AGAP1: variants seen among roughly 807,000 people sequenced by gnomAD.
AGAP1 encodes the protein arf-GAP with GTPase, ANK repeat and PH domain-containing protein 1.
In AGAP1, 29 loss-of-function variants were observed where a neutral mutation model predicts 105.3. That is an observed-to-expected ratio of 0.28 (90% CI 0.21 to 0.38). The LOEUF is 0.38. Ranked by LOEUF, AGAP1 falls within the 10% of genes least tolerant of loss-of-function variation. The pLI is 1.00. For missense variants in AGAP1, 998 were observed against 1,165.1 expected, an observed-to-expected ratio of 0.86 and a Z score of 2.09; for synonymous variants, 509 against 485.9, an observed-to-expected ratio of 1.05 and a Z score of -0.63.
rs1177150823 is a variant in AGAP1 at position 235,882,793 on chromosome 2, T to A, written c.1051-552T>A. Among the ~76,000 whole-genome samples the A allele has an allele frequency of 1.3e-5, 2 of 151,700 alleles. No individual in the cohort carries two copies. The highest frequency in any genetic ancestry group is 2.9e-5 in the Non-Finnish European group (2 of 67,938). ...CCCGGCCTGGTTAATGCAGTTTTTTTAGTTTGTTCTTTCTTTTTCTCTTTG... is the reference window on the plus strand; with the variant it reads ...CCCGGCCTGGTTAATGCAGTTTTTTAAGTTTGTTCTTTCTTTTTCTCTTTG... On this transcript the variant is annotated intron_variant, in intron 9 of 17. Transcript: ENST00000304032. This position sits in a 1 kb window ranked among gnomAD's most constrained non-coding sequence, Gnocchi z 4.6.
In AGAP1 at chr2:235,960,019, G is replaced by A. The variant is rs530154392; in HGVS notation, c.1484-8443G>A. On this transcript the variant is annotated intron_variant, in intron 12 of 17. Coordinates refer to ENST00000304032, the MANE Select transcript of AGAP1 (RefSeq NM_001037131.3). This position sits in a 1 kb window ranked among gnomAD's most constrained non-coding sequence, Gnocchi z 4.9. ...GGCTATGGAGTGTTGGAGCATTGCC[G>A]TGGCAGGAGAACGCAGTGGGCAGAG... Among the ~76,000 whole-genome samples, 4 of 152,310 alleles carry A rather than the reference G, an allele frequency of 2.6e-5. No individual in the cohort carries two copies. The highest frequency in any genetic ancestry group is 1.3e-4 in the Admixed American group (2 of 15,308).
At position 235,496,755 on chromosome 2, in the gene AGAP1, C is replaced by T. The variant is rs535931543; in HGVS notation, c.163+1906C>T. On this transcript the variant is annotated intron_variant, in intron 1 of 17. Transcript: ENST00000304032. ...GGATGTGGTTGCATTTTCCTTTCTC[C>T]CTTAAAAGAAAAAAAAAATGCGTCG... Among the ~76,000 whole-genome samples, 281 of 84,320 alleles carry T rather than the reference C, an allele frequency of 3.3e-3. 1 individual carries two copies. Among genetic ancestry groups the T allele is most frequent in the Admixed American group, 7.6e-3 (53 of 6,968 alleles). The allele number at this position is 84,320 out of a possible 152,430, so 55.3% of individuals were successfully genotyped here. A position where few individuals can be genotyped will look rare whatever the true frequency, so the allele number is the denominator to read the frequency against.
At position 235,753,808 on chromosome 2, in the gene AGAP1, A is replaced by G. The variant is rs1405095626; in HGVS notation, c.673+3320A>G. Among the ~76,000 whole-genome samples, 1 of 152,168 alleles carries G rather than the reference A, an allele frequency of 6.6e-6. No individual in the cohort carries two copies. The highest frequency in any genetic ancestry group is 2.4e-5 in the African/African-American group (1 of 41,434). On this transcript the variant is annotated intron_variant, in intron 6 of 17. Coordinates refer to ENST00000304032, the MANE Select transcript of AGAP1 (RefSeq NM_001037131.3). This position sits in a 1 kb window ranked among gnomAD's most constrained non-coding sequence, Gnocchi z 4.5. ...ATTTTTTTGTCCTTAAAATATTTTC[A>G]TATGAAGATAACATTTTTAAAATAA...
Position 235,853,050 on chromosome 2 carries a change from C to T in AGAP1, c.1051-30295C>T, listed in dbSNP as rs755760765. 5.2e-5 allele frequency: 64 copies of T among 1,239,522 alleles called. 1 individual carries two copies. The African/African-American group carries it at 5.3e-4, about 10-fold the overall frequency. 76.8% of individuals were successfully genotyped at this position (1,239,522 alleles called of 1,614,324 possible). On this transcript the variant is annotated intron_variant, in intron 9 of 17. Transcript: ENST00000304032. Reference sequence around the variant, plus strand: ...ACAAAAGACCCCTTAATTTCTATAGCGGGCAATTCAGTCCACAAAGGAAGG... The same window carrying T: ...ACAAAAGACCCCTTAATTTCTATAGTGGGCAATTCAGTCCACAAAGGAAGG...
At chr2:235,671,447 G>A (rs56775253) in intron 1 of AGAP1, among the ~76,000 whole-genome samples, 1,779 of 152,292 alleles carry the variant, frequency 0.012, 30 homozygotes, top group African/African-American at 0.04. Flanking sequence ...CCGCCGCACA[G>A]GTGCGGCTGC....
At chr2:235,766,496 AGACC>A (rs1954967276) in intron 6 of AGAP1, among the ~76,000 whole-genome samples, 1 of 152,254 alleles carries the variant, frequency 6.6e-6, no homozygotes, top group African/African-American at 2.4e-5. Context: ...CTGGTTTAAG[AGACC>A]ATTTAGACCT....
In AGAP1 at chr2:236,127,749, C is replaced by T. The variant is rs1018239146; in HGVS notation, c.*3627C>T. 1 of 152,196 alleles carries T rather than the reference C, an allele frequency of 6.6e-6. No individual in the cohort carries two copies. Among genetic ancestry groups the T allele is most frequent in the Non-Finnish European group, 1.5e-5 (1 of 68,032 alleles). 9.4% of individuals were successfully genotyped at this position (152,196 alleles called of 1,614,324 possible). On this transcript the variant is annotated 3_prime_UTR_variant, in exon 18 of 18. Transcript: ENST00000304032. This position sits in a 1 kb window ranked among gnomAD's most constrained non-coding sequence, Gnocchi z 6.6. ...TATTGCTAACCTTGTTAGGGAGAAACATGGTCTAATGAGAAAGACAGACCC... is the reference window on the plus strand; with the variant it reads ...TATTGCTAACCTTGTTAGGGAGAAATATGGTCTAATGAGAAAGACAGACCC...
In AGAP1 at chr2:235,550,256, T is replaced by A. The variant is rs1199565075; in HGVS notation, c.163+55407T>A. 6.6e-6 allele frequency among the ~76,000 whole-genome samples: 1 copy of A among 152,160 alleles called. No individual in the cohort carries two copies. The highest frequency in any genetic ancestry group is 1.5e-5 in the Non-Finnish European group (1 of 68,024). On this transcript the variant is annotated intron_variant, in intron 1 of 17. Transcript: ENST00000304032. The surrounding 1 kb of genome is among the most constrained non-coding windows in gnomAD (Gnocchi z 4.6). ...CTCGTCACAGTGTTCTCCGCAGCCC[T>A]GACTGGCGAGGAGGGCACGTCCCCA...
At chr2:235,909,013 C>T in intron 11 of AGAP1, 107 bp downstream of exon 11, 2 of 1,105,906 alleles carry the variant, frequency 1.8e-6, no homozygotes, top group South Asian at 1.7e-5. Context: ...GTAACTATCA[C>T]ATTACAGATT....
At chr2:235,699,987 C>G (rs930821664) in intron 1 of AGAP1, among the ~76,000 whole-genome samples, 1 of 152,152 alleles carries the variant, frequency 6.6e-6, no homozygotes, top group African/African-American at 2.4e-5. Context: ...AACTTCTTCC[C>G]TGCATCTGTG....
intron 16 of AGAP1, among the ~76,000 whole-genome samples, chr2:236,110,982 T>C (rs1576329962): frequency 1.3e-5 from 2 of 152,218 alleles, no homozygotes; most frequent in African/African-American, 2.4e-5. Context: ...CCTCACGTGA[T>C]AGAAGAGGCA....
At chr2:235,730,938 G>T (rs1220933797) in intron 3 of AGAP1, among the ~76,000 whole-genome samples, 1 of 152,088 alleles carries the variant, frequency 6.6e-6, no homozygotes, top group Non-Finnish European at 1.5e-5. Context: ...TCTCCGAGAG[G>T]TGCATGCTGA....
chr2:235,540,751 C>T (rs756068150), intron 1 of AGAP1, among the ~76,000 whole-genome samples: 3 of 152,054 alleles, frequency 2.0e-5, no homozygotes, highest in South Asian at 4.2e-4. Context: ...GGGATAGGGG[C>T]GGGACGTGCA....
Position 236,121,256 on chromosome 2 carries a change from A to G in AGAP1, c.2370+809A>G, listed in dbSNP as rs2059889739. On this transcript the variant is annotated intron_variant, in intron 17 of 17. Transcript: ENST00000304032. This position sits in a 1 kb window ranked among gnomAD's most constrained non-coding sequence, Gnocchi z 4.9. ...GCACAGCAGCACGTTCTACAGCAGC[A>G]TGGGTAGAGTGCAGCAGGTTTCTGC... 6.6e-6 allele frequency among the ~76,000 whole-genome samples: 1 copy of G among 152,222 alleles called. No individual in the cohort carries two copies. The highest frequency in any genetic ancestry group is 2.4e-5 in the African/African-American group (1 of 41,460).
intron 16 of AGAP1, among the ~76,000 whole-genome samples, chr2:236,107,061 T>G (rs2059514471): frequency 6.6e-6 from 1 of 152,188 alleles, no homozygotes; most frequent in Non-Finnish European, 1.5e-5. Flanking sequence ...CAGCTCTCTG[T>G]TCCCGAGGTT....
rs2054854013 is a variant in AGAP1 at position 235,976,289 on chromosome 2, ATC to A, written c.1645+7667_1645+7668del. ...GAATGAACTTGCTGAAATTGAGTAG[ATC>A]ATCTGGGTTTACTCTAGACATTGAC... On this transcript the variant is annotated intron_variant, in intron 13 of 17. Transcript: ENST00000304032. This position sits in a 1 kb window ranked among gnomAD's most constrained non-coding sequence, Gnocchi z 4.5. 6.6e-6 allele frequency among the ~76,000 whole-genome samples: 1 copy of A among 152,100 alleles called. No homozygotes were observed. Among genetic ancestry groups the A allele is most frequent in the Non-Finnish European group, 1.5e-5 (1 of 68,026 alleles).
At chr2:235,629,336 G>A (rs1946750167) in intron 1 of AGAP1, among the ~76,000 whole-genome samples, 1 of 149,568 alleles carries the variant, frequency 6.7e-6, no homozygotes, top group South Asian at 2.1e-4. Context: ...ATACACCACA[G>A]TTTCTTTATC....
intron 1 of AGAP1, among the ~76,000 whole-genome samples, chr2:235,693,320 G>A (rs1033101131): frequency 6.6e-6 from 1 of 152,104 alleles, no homozygotes; most frequent in South Asian, 2.1e-4. Context: ...AAGTAGGCAC[G>A]GGGGCTGGGC....
chr2:235,618,704 T>C (rs1354125697), intron 1 of AGAP1, among the ~76,000 whole-genome samples: 1 of 152,252 alleles, frequency 6.6e-6, no homozygotes, highest in Non-Finnish European at 1.5e-5. Flanking sequence ...ACTGAGCTCT[T>C]GTTATGTGGT....
Sources: allele counts gnomAD v4.1 joint callset (sites outside exome capture counted in the v4.1 genomes callset), GRCh38; gene constraint gnomAD v4.1.1; non-coding constraint Gnocchi (gnomAD v3.1); transcripts MANE v1.5; gene names NCBI Gene and HGNC (gene_info 2026-07-23, HGNC 2026-07-21).